Variants in LRRTM4 observed in about 807,000 individuals in gnomAD.
The protein encoded by LRRTM4 is leucine-rich repeat transmembrane neuronal protein 4.
In LRRTM4, 25 loss-of-function variants were observed where a neutral mutation model predicts 47.6. That is an observed-to-expected ratio of 0.53 (90% CI 0.38 to 0.73). The LOEUF is 0.73. Among genes scored for constraint, LRRTM4 ranks in the 30% least tolerant of loss-of-function variants. The pLI, the probability that LRRTM4 is intolerant of heterozygous loss-of-function variation, is 0.00. For missense variants in LRRTM4, 638 were observed against 713.4 expected, an observed-to-expected ratio of 0.89 and a Z score of 1.20; for synonymous variants, 311 against 269.5, an observed-to-expected ratio of 1.15 and a Z score of -1.51.
chr2:77,014,261 G>A (rs1277020074), intron 3 of LRRTM4, among the ~76,000 whole-genome samples: 1 of 152,074 alleles, frequency 6.6e-6, no homozygotes, highest in Non-Finnish European at 1.5e-5. Context: ...GAAAGGAATA[G>A]GCCAGTTGTT....
intron 3 of LRRTM4, among the ~76,000 whole-genome samples, chr2:77,153,316 T>C (rs1672478740): frequency 6.6e-6 from 1 of 152,300 alleles, no homozygotes; most frequent in South Asian, 2.1e-4. Flanking sequence ...TTTTCTGTAA[T>C]ACTTTGTCAC....
chr2:77,425,989 G>A (rs1226202129), intron 3 of LRRTM4, among the ~76,000 whole-genome samples: 1 of 151,662 alleles, frequency 6.6e-6, no homozygotes, highest in African/African-American at 2.4e-5. Context: ...GGTGGTGCAT[G>A]CCTGCTGTCC....
intron 3 of LRRTM4, among the ~76,000 whole-genome samples, chr2:76,990,587 C>A (rs1268181794): frequency 6.6e-6 from 1 of 151,728 alleles, no homozygotes; most frequent in Non-Finnish European, 1.5e-5. Context: ...TTCAATTTAA[C>A]AAGAAGACTT....
intron 3 of LRRTM4, among the ~76,000 whole-genome samples, chr2:77,257,042 C>T (rs916284222): frequency 1.3e-5 from 2 of 151,960 alleles, no homozygotes; most frequent in African/African-American, 4.8e-5. Flanking sequence ...AGAAAAATTG[C>T]GTGGTAACAT....
At chr2:77,477,609 G>A (rs569367098) in intron 3 of LRRTM4, among the ~76,000 whole-genome samples, 129 of 152,088 alleles carry the variant, frequency 8.5e-4, no homozygotes, top group African/African-American at 2.3e-3. Flanking sequence ...TTGGGAGGCC[G>A]AGGTGGACGG....
chr2:76,951,893 G>A (rs935689967), intron 3 of LRRTM4, among the ~76,000 whole-genome samples: 1 of 151,722 alleles, frequency 6.6e-6, no homozygotes, highest in Non-Finnish European at 1.5e-5. Flanking sequence ...TTAGTTTTCT[G>A]TTCCTATGTT....
chr2:77,014,126 T>C (rs1677970523), intron 3 of LRRTM4, among the ~76,000 whole-genome samples: 1 of 152,004 alleles, frequency 6.6e-6, no homozygotes, highest in Non-Finnish European at 1.5e-5. Context: ...TTTTGTTTGA[T>C]CCCCCTACAG....
intron 3 of LRRTM4, among the ~76,000 whole-genome samples, chr2:77,197,553 T>C (rs928627100): frequency 6.6e-6 from 1 of 152,164 alleles, no homozygotes; most frequent in Non-Finnish European, 1.5e-5. Flanking sequence ...ACATAATAAG[T>C]TATTATTTGA....
chr2:77,100,579 GTTTCT>G (rs758365747), intron 3 of LRRTM4, among the ~76,000 whole-genome samples: 31 of 151,986 alleles, frequency 2.0e-4, no homozygotes, highest in Non-Finnish European at 3.8e-4. Flanking sequence ...AAAAGGTAGG[GTTTCT>G]TAAAAGCCTC....
intron 3 of LRRTM4, among the ~76,000 whole-genome samples, chr2:77,423,410 A>G (rs1337981522): frequency 3.3e-5 from 5 of 152,194 alleles, no homozygotes; most frequent in African/African-American, 1.2e-4. Context: ...CTCTCTGTAG[A>G]TATGAAAAAT....
At chr2:77,318,976 G>A (rs1677707751) in intron 3 of LRRTM4, among the ~76,000 whole-genome samples, 1 of 151,898 alleles carries the variant, frequency 6.6e-6, no homozygotes, top group African/African-American at 2.4e-5. Context: ...GATAGTCAAG[G>A]ATAACTGGAC....
intron 3 of LRRTM4, among the ~76,000 whole-genome samples, chr2:76,773,960 T>C (rs113271903): frequency 6.6e-6 from 1 of 151,854 alleles, no homozygotes; most frequent in Admixed American, 6.6e-5. Context: ...TAATTATAGC[T>C]GTTTGAGAAA....
intron 3 of LRRTM4, among the ~76,000 whole-genome samples, chr2:77,437,362 A>G (rs1401255301): frequency 6.6e-6 from 1 of 152,036 alleles, no homozygotes; most frequent in Non-Finnish European, 1.5e-5. Context: ...AATGAACTCT[A>G]TTTGTTGACT....
At chr2:77,271,686 C>G (rs951693754) in intron 3 of LRRTM4, among the ~76,000 whole-genome samples, 8 of 152,196 alleles carry the variant, frequency 5.3e-5, no homozygotes, top group African/African-American at 1.9e-4. Flanking sequence ...AATTAACTTT[C>G]CAGGCTGCTA....
At chr2:76,996,527 T>A (rs1472911926) in intron 3 of LRRTM4, among the ~76,000 whole-genome samples, 1 of 147,808 alleles carries the variant, frequency 6.8e-6, no homozygotes, top group Non-Finnish European at 1.5e-5. Context: ...TCAAGTAAAA[T>A]TTTGCTTAAT....
intron 3 of LRRTM4, among the ~76,000 whole-genome samples, chr2:77,480,917 A>C (rs1306579888): frequency 2.0e-5 from 3 of 151,700 alleles, no homozygotes; most frequent in Admixed American, 6.6e-5. Context: ...CCCTACGTCC[A>C]AATGATGCAA....
intron 3 of LRRTM4, among the ~76,000 whole-genome samples, chr2:77,201,020 A>C (rs991744353): frequency 6.6e-6 from 1 of 152,172 alleles, no homozygotes; most frequent in African/African-American, 2.4e-5. Context: ...TACGTAAGCC[A>C]GTTATGGTGT....
chr2:77,028,643 A>T (rs943251107), intron 3 of LRRTM4, among the ~76,000 whole-genome samples: 3 of 152,108 alleles, frequency 2.0e-5, no homozygotes, highest in Admixed American at 6.6e-5. Context: ...AATGATTCTG[A>T]TGTTGACAAA....
At chr2:77,000,419 C>T (rs1677377480) in intron 3 of LRRTM4, among the ~76,000 whole-genome samples, 1 of 152,114 alleles carries the variant, frequency 6.6e-6, no homozygotes, top group Non-Finnish European at 1.5e-5. Context: ...GTATGCAAAC[C>T]TGTTAGTAGA....
Sources: allele counts gnomAD v4.1 joint callset (sites outside exome capture counted in the v4.1 genomes callset), GRCh38; gene constraint gnomAD v4.1.1; transcripts MANE v1.5; gene names NCBI Gene and HGNC (gene_info 2026-07-23, HGNC 2026-07-21).